FRAS1: variants seen among roughly 807,000 people sequenced by gnomAD.
FRAS1 encodes extracellular matrix organizing protein FRAS1.
Under a neutral mutation model 435.2 loss-of-function variants are expected in FRAS1, and 290 were observed. That is an observed-to-expected ratio of 0.67 (90% CI 0.61 to 0.73). FRAS1 has a LOEUF of 0.73. FRAS1 is among the 30% of genes least tolerant of loss of function. The pLI is 0.00. For missense variants in FRAS1, 4,860 were observed against 5,001.5 expected (o/e 0.97, Z 0.85); for synonymous variants, 1,800 against 1,851.0 (o/e 0.97, Z 0.71).
chr4:78,479,827 T>A (rs930490455), intron 56 of FRAS1, 109 bp downstream of exon 56: 2 of 815,714 alleles, frequency 2.5e-6, no homozygotes, highest in African/African-American at 3.4e-5. Flanking sequence ...ATGCCATTCC[T>A]CAGGGATACC....
rs560371364 is a variant in FRAS1 at position 78,101,400 on chromosome 4, A to C, written c.108+35384A>C. 2.6e-5 allele frequency among the ~76,000 whole-genome samples: 4 copies of C among 152,282 alleles called. No homozygotes were observed. In the East Asian group the frequency reaches 5.8e-4, roughly 22 times the overall value. ...TGGTTTTGGAATTGTTTTGATGATA[A>C]AAGTTGTAGCAGTCAAAAATGCAAC... On this transcript the variant is annotated intron_variant, in intron 2 of 73. Coordinates refer to ENST00000512123, the MANE Select transcript of FRAS1 (RefSeq NM_025074.7).
Position 78,499,717 on chromosome 4 carries a change from T to G in FRAS1, c.9116-4T>G, listed in dbSNP as rs1273319411. 1 of 1,613,114 alleles carries G rather than the reference T, an allele frequency of 6.2e-7. No homozygotes were observed. The highest frequency in any genetic ancestry group is 8.5e-7 in the Non-Finnish European group (1 of 1,179,452). On this transcript the variant is annotated splice_region_variant and splice_polypyrimidine_tract_variant and intron_variant, in intron 60 of 73. Transcript: ENST00000512123. ...CTCTTGTTTTCCTAACCATATTTCC[T>G]TAGCCCCCACCATTGAGTTTGAAGA...
chr4:78,253,498 G>A (rs1725643462), intron 5 of FRAS1, among the ~76,000 whole-genome samples: 1 of 152,180 alleles, frequency 6.6e-6, no homozygotes, highest in South Asian at 2.1e-4. Flanking sequence ...AAATGTCCAT[G>A]AAATCTTCAC....
chr4:78,511,459 C>T lies in FRAS1; in HGVS notation c.9966C>T (p.Ile3322=), dbSNP rs371280939. The change falls in exon 64 of 74, where the codon ATC becomes ATT. Residue 3322 remains isoleucine (I), a synonymous_variant. Transcript: ENST00000512123. The part of the protein sequence containing the change: ...TSRGFQAQSF[I]ATLKYLDVKH... ...GAGGCTTCCAGGCTCAGTCCTTCAT[C>T]GCAACCTTGAAATACCTGGATGTCA... The T allele has an allele frequency of 1.2e-5, 19 of 1,613,726 alleles. No individual in the cohort carries two copies. The highest frequency in any genetic ancestry group is 8.9e-5 in the East Asian group (4 of 44,858).
intron 47 of FRAS1, among the ~76,000 whole-genome samples, chr4:78,462,556 G>A (rs1373851843): frequency 6.6e-6 from 1 of 152,144 alleles, no homozygotes; most frequent in Non-Finnish European, 1.5e-5. Context: ...CAGTGAATTA[G>A]GTGACCAGTT....
In FRAS1 at chr4:78,424,686, T is replaced by C. The variant is rs114462213; in HGVS notation, c.4711+266T>C. On this transcript the variant is annotated intron_variant, in intron 35 of 73. Transcript: ENST00000512123. ...AGCCAGGCATGGTGGCTTATGCCTG[T>C]AGTCCAGCACTTTGGAAGGCTGATG... is the stretch of plus-strand genomic sequence containing the variant. Among the ~76,000 whole-genome samples, 514 of 152,162 alleles carry C rather than the reference T, an allele frequency of 3.4e-3. 4 individuals carry two copies. Among genetic ancestry groups the C allele is most frequent in the African/African-American group, 0.012 (491 of 41,520 alleles).
At chr4:78,178,252 A>G (rs1560565415) in intron 2 of FRAS1, among the ~76,000 whole-genome samples, 1 of 152,106 alleles carries the variant, frequency 6.6e-6, no homozygotes, top group Non-Finnish European at 1.5e-5. Flanking sequence ...AATGATTGGC[A>G]TTTTTATCGA....
intron 1 of FRAS1, among the ~76,000 whole-genome samples, chr4:78,060,650 G>A (rs1739718178): frequency 1.3e-5 from 2 of 152,192 alleles, no homozygotes; most frequent in Non-Finnish European, 2.9e-5. Context: ...CTGGTGGACT[G>A]GCCTCTGATT....
chr4:78,299,550 C>T (rs1309926871), intron 14 of FRAS1, among the ~76,000 whole-genome samples: 1 of 152,214 alleles, frequency 6.6e-6, no homozygotes, highest in Non-Finnish European at 1.5e-5. Context: ...CAGCCAGTCA[C>T]TGAAGAAAGC....
intron 40 of FRAS1, among the ~76,000 whole-genome samples, chr4:78,439,519 C>T (rs1734569912): frequency 6.6e-6 from 1 of 152,196 alleles, no homozygotes; most frequent in African/African-American, 2.4e-5. Flanking sequence ...ACCCAGACAT[C>T]AGTTCAAGTG....
rs149612875 is a variant in FRAS1 at position 78,293,412 on chromosome 4, G to A, written c.1534+6873G>A. Among the ~76,000 whole-genome samples, 880 of 152,338 alleles carry A rather than the reference G, an allele frequency of 5.8e-3. 9 individuals are homozygous for A. The highest frequency in any genetic ancestry group is 0.02 in the African/African-American group (829 of 41,590). On this transcript the variant is annotated intron_variant, in intron 14 of 73. Coordinates refer to ENST00000512123, the MANE Select transcript of FRAS1 (RefSeq NM_025074.7). ...AGGCATGACTAAACTTTGGCTTACA[G>A]ATGACCTATCTTCCATTTGGCTTCC...
intron 20 of FRAS1, among the ~76,000 whole-genome samples, chr4:78,338,766 G>A (rs527306322): frequency 3.7e-4 from 57 of 152,304 alleles, no homozygotes; most frequent in African/African-American, 1.3e-3. Context: ...CTGGGATGGC[G>A]CTGACATCTC....
chr4:78,283,259 A>G (rs1451474412), intron 12 of FRAS1, among the ~76,000 whole-genome samples: 1 of 152,190 alleles, frequency 6.6e-6, no homozygotes, highest in Non-Finnish European at 1.5e-5. Flanking sequence ...TATTGTGAAA[A>G]TCAAGCAACA....
chr4:78,118,476 G>A (rs971841929), intron 2 of FRAS1, among the ~76,000 whole-genome samples: 2 of 151,540 alleles, frequency 1.3e-5, no homozygotes, highest in Non-Finnish European at 3.0e-5. Flanking sequence ...TGCAGATCGA[G>A]CTTCCCGGCT....
intron 15 of FRAS1, among the ~76,000 whole-genome samples, chr4:78,313,131 C>G (rs1212826824): frequency 6.6e-6 from 1 of 152,182 alleles, no homozygotes; most frequent in Non-Finnish European, 1.5e-5. Flanking sequence ...TTTTAGATTA[C>G]TCACTTCTGT....
intron 2 of FRAS1, among the ~76,000 whole-genome samples, chr4:78,129,168 T>A (rs1304447366): frequency 6.6e-6 from 1 of 152,246 alleles, no homozygotes. Flanking sequence ...CCTTGTAGAA[T>A]AGTTTGAAGT....
intron 20 of FRAS1, among the ~76,000 whole-genome samples, chr4:78,348,197 G>A (rs1357483266): frequency 4.9e-5 from 2 of 41,174 alleles, no homozygotes; most frequent in East Asian, 7.5e-4. Context: ...CAAGGGGTCA[G>A]GGAGTTCCCT....
At chr4:78,525,614 G>A (rs991886504) in intron 69 of FRAS1, among the ~76,000 whole-genome samples, 1 of 152,188 alleles carries the variant, frequency 6.6e-6, no homozygotes, top group Non-Finnish European at 1.5e-5. Flanking sequence ...AACAAGCACA[G>A]CATTTATGAG....
chr4:78,417,707 A>G (rs1733606665), intron 32 of FRAS1, among the ~76,000 whole-genome samples: 1 of 152,266 alleles, frequency 6.6e-6, no homozygotes, highest in South Asian at 2.1e-4. Context: ...TTACAAAGCA[A>G]CTGCAACCTA....
Sources: gnomAD v4.1 joint callset for allele counts (sites outside exome capture counted in the v4.1 genomes callset) on GRCh38, gnomAD v4.1.1 for gene constraint, MANE v1.5 for transcripts, NCBI Gene and HGNC (gene_info 2026-07-23, HGNC 2026-07-21) for gene names.